Variants in BAG3 observed in about 807,000 individuals in gnomAD.
The protein encoded by BAG3 is BAG family molecular chaperone regulator 3.
In BAG3, 14 loss-of-function variants were observed where a neutral mutation model predicts 40.5. The observed-to-expected ratio is 0.35, with a 90% CI of 0.23 to 0.54. BAG3 has a LOEUF of 0.54. Among genes scored for constraint, BAG3 ranks in the 20% least tolerant of loss-of-function variants. The pLI is 0.91. For synonymous variants in BAG3, 302 were observed against 307.8 expected, an observed-to-expected ratio of 0.98 and a Z score of 0.20; for missense variants, 788 against 758.6, an observed-to-expected ratio of 1.04 and a Z score of -0.46.
intron 1 of BAG3, among the ~76,000 whole-genome samples, chr10:119,668,919 T>G (rs903701833): frequency 1.3e-5 from 2 of 152,062 alleles, no homozygotes; most frequent in African/African-American, 2.4e-5. Flanking sequence ...ACACGGGCGA[T>G]TGGGAATTTA....
intron 1 of BAG3, 88 bp from the exon 2 acceptor site, chr10:119,669,763 C>A: frequency 2.9e-6 from 4 of 1,361,872 alleles, no homozygotes; most frequent in Non-Finnish European, 4.2e-6. Context: ...GGGAAGATCA[C>A]AATGCCAAGC....
chr10:119,677,023 T>C lies in BAG3; in HGVS notation c.1469T>C (p.Ile490Thr), dbSNP rs1251253467. 9.3e-6 allele frequency: 15 copies of C among 1,614,022 alleles called. No individual in the cohort carries two copies. Among genetic ancestry groups the C allele is most frequent in the Non-Finnish European group, 1.3e-5 (15 of 1,180,038 alleles). The stretch of plus-strand genomic sequence containing the variant: ...GACGGTGTCAGGAAGGTTCAGACCA[T>C]CTTGGAAAAACTTGAACAGAAAGCC... ...RRDGVRKVQTILEKLEQKAID... is the reference protein window; with the variant it reads ...RRDGVRKVQTTLEKLEQKAID... The change falls in exon 4 of 4, where the codon ATC (isoleucine) becomes ACC (threonine). Residue 490 changes from isoleucine (I) to threonine (T), a missense_variant. Ile to Thr is a moderately conservative substitution (Grantham distance 89, BLOSUM62 -1). Transcript: ENST00000369085.
rs1393859323 is a variant in BAG3 at position 119,677,434 on chromosome 10, A to G, written c.*152A>G. The G allele has an allele frequency of 1.2e-5, 11 of 884,262 alleles. No individual in the cohort carries two copies. In the African/African-American group the frequency reaches 1.5e-4, roughly 12 times the overall value. The allele number at this position is 884,262 out of a possible 1,614,324, so 54.8% of individuals were successfully genotyped here. ...AGGCAAAACACTAATAAAAGGGCTA[A>G]AAAGGAAAATGATGCTTTTCTTCTA... On this transcript the variant is annotated 3_prime_UTR_variant, in exon 4 of 4. Coordinates refer to ENST00000369085, the MANE Select transcript of BAG3 (RefSeq NM_004281.4).
chr10:119,669,546 T>G (rs1847113395), intron 1 of BAG3, among the ~76,000 whole-genome samples: 1 of 152,194 alleles, frequency 6.6e-6, no homozygotes, highest in African/African-American at 2.4e-5. Context: ...TCTCCTACAC[T>G]CACCGCTTCC....
chr10:119,657,577 C>T (rs1176491862), intron 1 of BAG3: 3 of 471,064 alleles, frequency 6.4e-6, no homozygotes, highest in Non-Finnish European at 1.3e-5. Context: ...AGGTGTGTCC[C>T]GGGAAGCCTT....
chr10:119,665,420 G>C (rs1408022889), intron 1 of BAG3, among the ~76,000 whole-genome samples: 2 of 151,858 alleles, frequency 1.3e-5, no homozygotes, highest in Admixed American at 1.3e-4. Flanking sequence ...GATTACAGGC[G>C]TGAGCCACCG....
chr10:119,672,679 A>C lies in BAG3; in HGVS notation c.909+23A>C. On this transcript the variant is annotated intron_variant, in intron 3 of 3. Transcript: ENST00000369085. This position sits in a 1 kb window ranked among gnomAD's most constrained non-coding sequence, Gnocchi z 4.8. ...CAGGTACGGGAAGTTAGTCGTCAGCAGACTGGTTATGGTGGTATGTCTCCA... is the reference window on the plus strand; with the variant it reads ...CAGGTACGGGAAGTTAGTCGTCAGCCGACTGGTTATGGTGGTATGTCTCCA... The C allele has an allele frequency of 6.2e-7, 1 of 1,609,500 alleles. No individual in the cohort carries two copies. Among genetic ancestry groups the C allele is most frequent in the Non-Finnish European group, 8.5e-7 (1 of 1,180,014 alleles).
chr10:119,656,487 T>G (rs1846913420), intron 1 of BAG3: 1 of 151,800 alleles, frequency 6.6e-6, no homozygotes, highest in South Asian at 2.1e-4. Flanking sequence ...TTCAAGCGAT[T>G]CTCCTGCCTC....
chr10:119,658,384 G>A (rs1489573744), intron 1 of BAG3, among the ~76,000 whole-genome samples: 3 of 152,206 alleles, frequency 2.0e-5, no homozygotes, highest in Non-Finnish European at 2.9e-5. Context: ...CATGCCGGGC[G>A]TCCCTGCAGT....
At chr10:119,673,728 T>C (rs1847183238) in intron 3 of BAG3, among the ~76,000 whole-genome samples, 1 of 152,256 alleles carries the variant, frequency 6.6e-6, no homozygotes, top group Non-Finnish European at 1.5e-5. Context: ...ATAATTTCAA[T>C]CTCATAGAAG....
chr10:119,651,934 G>C, intron 1 of BAG3, 79 bp downstream of exon 1: 1 of 1,203,744 alleles, frequency 8.3e-7, no homozygotes, highest in Non-Finnish European at 1.0e-6. Flanking sequence ...GGGCCGGGGG[G>C]ACGCGAGGCG....
Position 119,672,545 on chromosome 10 carries a change from C to G in BAG3, c.798C>G (p.Phe266Leu). ...GGCCCCTGCGGGCGGCATCCCCGTT[C>G]AGGTCATCTGTCCAGGGTGCATCGA... ...EPRPLRAASP[F>L]RSSVQGASSR... The change falls in exon 3 of 4, where the codon TTC (phenylalanine) becomes TTG (leucine). Residue 266 changes from phenylalanine to leucine, a missense_variant. Coordinates refer to ENST00000369085, the MANE Select transcript of BAG3 (RefSeq NM_004281.4). This position sits in a 1 kb window ranked among gnomAD's most constrained non-coding sequence, Gnocchi z 4.8. The G allele has an allele frequency of 1.2e-6, 2 of 1,614,006 alleles. No homozygotes were observed. The highest frequency in any genetic ancestry group is 1.7e-6 in the Non-Finnish European group (2 of 1,179,926).
chr10:119,676,403 C>G, intron 3 of BAG3, 61 bp from the exon 4 acceptor site: 1 of 1,575,830 alleles, frequency 6.3e-7, no homozygotes, highest in South Asian at 1.1e-5. Context: ...GTACTAGCTA[C>G]AAACAATTTC....
Position 119,676,949 on chromosome 10 carries a change from G to A in BAG3, c.1395G>A (p.Leu465=). The A allele has an allele frequency of 6.2e-7, 1 of 1,614,172 alleles. No individual in the cohort carries two copies. The highest frequency in any genetic ancestry group is 8.5e-7 in the Non-Finnish European group (1 of 1,180,022). Residue 465 remains leucine, a synonymous_variant, in exon 4 of 4, where the codon CTG becomes CTA. Coordinates refer to ENST00000369085, the MANE Select transcript of BAG3 (RefSeq NM_004281.4). ...ATTTGACCAAAGAGCTGCTGGCCCT[G>A]GATTCAGTGGACCCCGAGGGACGAG... The part of the protein sequence containing the change: ...EEYLTKELLA[L]DSVDPEGRAD...
In BAG3 at chr10:119,651,852, C is replaced by G; in HGVS notation, c.177C>G (p.Pro59=). Residue 59 remains proline (P), a synonymous_variant, in exon 1 of 4, where the codon CCC becomes CCG. Transcript: ENST00000369085. ...WNDPRVPSEG[P]KETPSSANGP... ...ACCCGCGCGTGCCCTCTGAGGGCCC[C>G]AAGGTGAGCCGGGCCCGCGGCCCGC... is the stretch of plus-strand genomic sequence containing the variant. The G allele has an allele frequency of 6.4e-7, 1 of 1,566,416 alleles. No individual in the cohort carries two copies. The highest frequency in any genetic ancestry group is 8.6e-7 in the Non-Finnish European group (1 of 1,157,596).
rs200072558 is a variant in BAG3 at position 119,651,778 on chromosome 10, G to A, written c.103G>A (p.Gly35Ser). Reference protein sequence around the residue: ...GWEIKIDPQTGWPFFVDHNSR... With the variant: ...GWEIKIDPQTSWPFFVDHNSR... ...GGAGATCAAGATCGACCCGCAGACC[G>A]GCTGGCCCTTCTTCGTGGACCACAA... is the stretch of plus-strand genomic sequence containing the variant. The change falls in exon 1 of 4, where the codon GGC becomes AGC. Residue 35 changes from glycine (G) to serine (S), a missense_variant. Gly to Ser is a moderately conservative substitution (Grantham distance 56). Coordinates refer to ENST00000369085, the MANE Select transcript of BAG3 (RefSeq NM_004281.4). 1.9e-6 allele frequency: 3 copies of A among 1,602,178 alleles called. No homozygotes were observed. Among genetic ancestry groups the A allele is most frequent in the East Asian group, 2.3e-5 (1 of 44,112 alleles).
In BAG3 at chr10:119,672,796, A is replaced by G; in HGVS notation, c.909+140A>G. 4.8e-6 allele frequency: 6 copies of G among 1,241,902 alleles called. No individual in the cohort carries two copies. The highest frequency in any genetic ancestry group is 6.8e-6 in the Non-Finnish European group (6 of 881,274). 76.9% of individuals were successfully genotyped at this position (1,241,902 alleles called of 1,614,324 possible). A position where few individuals can be genotyped will look rare whatever the true frequency, so the allele number is the denominator to read the frequency against. On this transcript the variant is annotated intron_variant, in intron 3 of 3. Transcript: ENST00000369085. The surrounding 1 kb of genome is among the most constrained non-coding windows in gnomAD (Gnocchi z 4.8). ...CCTACAGGCAAGTGAGATTCGAGAA[A>G]TTGCTAGGTATTAACAGAAATGCAG...
chr10:119,664,739 A>T (rs1339024228), intron 1 of BAG3, among the ~76,000 whole-genome samples: 1 of 152,186 alleles, frequency 6.6e-6, no homozygotes, highest in Non-Finnish European at 1.5e-5. Flanking sequence ...ATGTGCTTGA[A>T]CTTGAAAACA....
chr10:119,668,563 C>A (rs1174334446), intron 1 of BAG3, among the ~76,000 whole-genome samples: 1 of 152,248 alleles, frequency 6.6e-6, no homozygotes, highest in Non-Finnish European at 1.5e-5. Flanking sequence ...GTTAGGACTT[C>A]TGTTGCGCAG....
Sources: gnomAD v4.1 joint callset for allele counts (sites outside exome capture counted in the v4.1 genomes callset) on GRCh38, gnomAD v4.1.1 for gene constraint, Gnocchi (gnomAD v3.1) non-coding constraint, MANE v1.5 for transcripts, NCBI Gene and HGNC (gene_info 2026-07-23, HGNC 2026-07-21) for gene names.